Variants in TNS1 observed in about 807,000 individuals in gnomAD.
TNS1 encodes the protein tensin-1.
A neutral mutation model predicts 168.6 loss-of-function variants in TNS1; 62 were observed. That is an observed-to-expected ratio of 0.37 (90% CI 0.30 to 0.45). The LOEUF (loss-of-function observed/expected upper bound fraction) is 0.45, where lower values mean the gene tolerates loss of function less well. Among genes scored for constraint, TNS1 ranks in the 20% least tolerant of loss-of-function variants. TNS1 has a pLI of 1.00. For synonymous variants in TNS1, 934 were observed against 933.2 expected, an observed-to-expected ratio of 1.00 and a Z score of -0.02; for missense variants, 2,240 against 2,339.4, an observed-to-expected ratio of 0.96 and a Z score of 0.88.
chr2:217,854,522 G>A (rs1220001676), intron 18 of TNS1, among the ~76,000 whole-genome samples: 4 of 152,176 alleles, frequency 2.6e-5, no homozygotes, highest in Admixed American at 2.0e-4. Flanking sequence ...CAACGTGGGG[G>A]AAAATCAGTG....
At chr2:217,881,110 C>G (rs1950642012) in intron 17 of TNS1, 96 bp from the exon 18 acceptor site, 1 of 878,212 alleles carries the variant, frequency 1.1e-6, no homozygotes, top group Non-Finnish European at 1.8e-6. Flanking sequence ...CCACAAGCTC[C>G]CCAAAAGAGG....
At chr2:217,960,065 T>C (rs1957460429) in intron 3 of TNS1, among the ~76,000 whole-genome samples, 1 of 152,046 alleles carries the variant, frequency 6.6e-6, no homozygotes, top group Non-Finnish European at 1.5e-5. Context: ...GGGCCACCGC[T>C]GCACAGCCCC....
chr2:217,999,615 C>T (rs763747884), intron 1 of TNS1, among the ~76,000 whole-genome samples: 8 of 152,232 alleles, frequency 5.3e-5, no homozygotes, highest in Non-Finnish European at 1.0e-4. Context: ...TGCAGCCCAG[C>T]CTACCTCCCA....
rs369701912 is a variant in TNS1 at position 217,886,905 on chromosome 2, G to A, written c.867-259C>T. On this transcript the variant is annotated intron_variant, in intron 12 of 32. Transcript: ENST00000682258. The stretch of plus-strand genomic sequence containing the variant: ...AGCATCCCACTTGGAGTTCGCCACC[G>A]CCCTCTGGTGGTCAACATGAATATC... Among the ~76,000 whole-genome samples, 14 of 152,178 alleles carry A rather than the reference G, an allele frequency of 9.2e-5. 1 individual carries two copies. The highest frequency in any genetic ancestry group is 7.7e-4 in the East Asian group (4 of 5,166).
intron 22 of TNS1, chr2:217,830,322 C>CTGCGTGGCTTCATGGGTCACAAA (rs1468151559): frequency 1.9e-6 from 3 of 1,612,970 alleles, no homozygotes; most frequent in Non-Finnish European, 2.5e-6. Context: ...CTATGCCCAG[C>CTGCGTGGCTTCATGGGTCACAAA]TGCGTGGCTT....
rs765280235 is a variant in TNS1 at position 217,813,238 on chromosome 2, C to T, written c.4931G>A (p.Gly1644Asp). ...ACCGAAGTTTGGCTCATTGGGGCAG[C>T]CCTTGAGCTTGACTCCTCTGGGGCC... is the stretch of plus-strand genomic sequence containing the variant. ...ETGPRGVKLK[G>D]CPNEPNFGSL... is the part of the protein sequence containing the mutation. The change falls in exon 27 of 33, where the codon GGC (glycine) becomes GAC (aspartate). Residue 1644 changes from glycine (G) to aspartate (D), a missense_variant. Gly to Asp is a moderately conservative substitution (Grantham distance 94, BLOSUM62 -1). This residue lies in a region of TNS1 where 2,131 missense variants were observed against 2,171.2 expected (regional missense o/e 0.98). Transcript: ENST00000682258. This position sits in a 1 kb window ranked among gnomAD's most constrained non-coding sequence, Gnocchi z 4.0. 5.0e-6 allele frequency: 8 copies of T among 1,603,704 alleles called. No homozygotes were observed. The highest frequency in any genetic ancestry group is 3.4e-5 in the South Asian group (3 of 88,888).
intron 3 of TNS1, among the ~76,000 whole-genome samples, chr2:217,923,107 G>T (rs957255937): frequency 3.3e-5 from 5 of 152,192 alleles, no homozygotes; most frequent in Admixed American, 1.3e-4. Flanking sequence ...TCCCCAGGGG[G>T]CCCAGGTAAG....
At chr2:217,966,308 T>TGTGTGTGTGC (rs372273499) in intron 3 of TNS1, among the ~76,000 whole-genome samples, 25 of 133,748 alleles carry the variant, frequency 1.9e-4, no homozygotes, top group South Asian at 7.3e-4. Flanking sequence ...TGTGTGTGTG[T>TGTGTGTGTGC]GCGCGCGCGC....
chr2:217,892,854 C>T, intron 11 of TNS1, 94 bp downstream of exon 11: 1 of 1,408,236 alleles, frequency 7.1e-7, no homozygotes. Context: ...TGCGTATCCC[C>T]TCACTCCAGG....
chr2:218,021,407 C>A (rs1456858487), intron 1 of TNS1, among the ~76,000 whole-genome samples: 1 of 152,184 alleles, frequency 6.6e-6, no homozygotes, highest in African/African-American at 2.4e-5. Context: ...AATAGCACCC[C>A]CAAGAGGCAG....
At chr2:217,859,635 T>C in intron 18 of TNS1, 4 of 1,536,176 alleles carry the variant, frequency 2.6e-6, no homozygotes, top group Non-Finnish European at 1.7e-6. Flanking sequence ...TGGCCAGGTA[T>C]ATTGATCCTC....
chr2:217,970,222 T>A (rs1413423823), intron 3 of TNS1, among the ~76,000 whole-genome samples: 1 of 152,346 alleles, frequency 6.6e-6, no homozygotes, highest in Middle Eastern at 3.4e-3. Flanking sequence ...TTTTGACTTC[T>A]AGCCTCCAGA....
intron 28 of TNS1, among the ~76,000 whole-genome samples, chr2:217,811,613 C>A (rs1242120617): frequency 6.6e-6 from 1 of 152,178 alleles, no homozygotes; most frequent in Non-Finnish European, 1.5e-5. Flanking sequence ...CGAGACCTTG[C>A]ACTGCGGGTG....
intron 1 of TNS1, among the ~76,000 whole-genome samples, chr2:218,002,586 G>T (rs112572374): frequency 1.3e-5 from 2 of 151,558 alleles, no homozygotes; most frequent in Admixed American, 6.5e-5. Context: ...GACTCCATTG[G>T]GGGGTGGGGG....
chr2:217,973,175 G>A (rs896971061), intron 3 of TNS1, among the ~76,000 whole-genome samples: 5 of 151,878 alleles, frequency 3.3e-5, no homozygotes, highest in East Asian at 1.9e-4. Flanking sequence ...GCAACATGGC[G>A]AGACCCTGTC....
Position 217,849,003 on chromosome 2 carries a change from C to T in TNS1, c.1514G>A (p.Gly505Glu). The T allele has an allele frequency of 1.2e-6, 2 of 1,614,036 alleles. No homozygotes were observed. Among genetic ancestry groups the T allele is most frequent in the Non-Finnish European group, 1.7e-6 (2 of 1,180,014 alleles). The change falls in exon 19 of 33, where the codon GGG becomes GAG. Residue 505 changes from glycine (G) to glutamate (E), a missense_variant. Transcript: ENST00000682258. ...TGTAGGACGTGTGGCATTAACAGCC[C>T]CGGTGCTGCCGTGCAGGGAGTCTTT... The part of the protein sequence containing the change: ...KKKDSLHGST[G>E]AVNATRPTLS...
chr2:217,980,528 G>C (rs1423045659), intron 2 of TNS1, among the ~76,000 whole-genome samples: 1 of 148,126 alleles, frequency 6.8e-6, no homozygotes, highest in Non-Finnish European at 1.5e-5. Context: ...GAGAGAGAGA[G>C]AGAGAGAGAG....
At position 217,818,555 on chromosome 2, in the gene TNS1, G is replaced by A. The variant is rs751561614; in HGVS notation, c.3777C>T (p.Ser1259=). ...CTCGAGCCTGGCTTTCCGGAGAGGA[G>A]CTGAAATGCTGAAGTGAGTAGTCGG... is the stretch of plus-strand genomic sequence containing the variant. ...SSPDYSLQHF[S]SSPESQARAQ... is the part of the protein sequence containing the mutation. Residue 1259 remains serine, a synonymous_variant, in exon 24 of 33, where the codon AGC becomes AGT. Coordinates refer to ENST00000682258, the MANE Select transcript of TNS1 (RefSeq NM_001387777.1). 6 of 1,614,214 alleles carry A rather than the reference G, an allele frequency of 3.7e-6. No individual in the cohort carries two copies. The South Asian group carries it at 6.6e-5, about 18-fold the overall frequency.
chr2:217,948,988 G>A lies in TNS1; in HGVS notation c.187-28752C>T, dbSNP rs1050731956. On this transcript the variant is annotated intron_variant, in intron 3 of 32. Coordinates refer to ENST00000682258, the MANE Select transcript of TNS1 (RefSeq NM_001387777.1). The surrounding 1 kb of genome is among the most constrained non-coding windows in gnomAD (Gnocchi z 4.1). Reference sequence around the variant, plus strand: ...AGAGGATGGAAAGGGAAGGAGAGTCGGGGGAAAATGGCCCACCAACAGCTT... The same window carrying A: ...AGAGGATGGAAAGGGAAGGAGAGTCAGGGGAAAATGGCCCACCAACAGCTT... Among the ~76,000 whole-genome samples the A allele has an allele frequency of 6.6e-6, 1 of 152,116 alleles. No individual in the cohort carries two copies. Among genetic ancestry groups the A allele is most frequent in the South Asian group, 2.1e-4 (1 of 4,810 alleles).
Sources: gnomAD v4.1 joint callset for allele counts (sites outside exome capture counted in the v4.1 genomes callset) on GRCh38, gnomAD v4.1.1 for gene constraint, gnomAD v4.1.1 regional missense constraint, Gnocchi (gnomAD v3.1) non-coding constraint, MANE v1.5 for transcripts, NCBI Gene and HGNC (gene_info 2026-07-23, HGNC 2026-07-21) for gene names.